Variants in GLIS3 observed in about 807,000 individuals in gnomAD.
GLIS3 encodes the protein zinc finger protein GLIS3.
Under a neutral mutation model 78.6 loss-of-function variants are expected in GLIS3, and 53 were observed. The ratio of observed to expected loss-of-function variants is 0.67; its 90% CI spans 0.54 to 0.85. The LOEUF is 0.85. GLIS3 is among the 40% of genes least tolerant of loss of function. The probability of loss-of-function intolerance (pLI) is 0.00; values close to 1 mark genes in which losing one functional copy is unlikely to be tolerated. For missense variants in GLIS3, 1,703 were observed against 1,231.1 expected, an observed-to-expected ratio of 1.38 and a Z score of -5.74; for synonymous variants, 684 against 509.9, an observed-to-expected ratio of 1.34 and a Z score of -4.60.
At chr9:4,291,092 C>G (rs1815934321) in intron 1 of GLIS3, among the ~76,000 whole-genome samples, 1 of 152,098 alleles carries the variant, frequency 6.6e-6, no homozygotes, top group South Asian at 2.1e-4. Flanking sequence ...AGGGAGGTTA[C>G]ACCTAATAAC....
intron 4 of GLIS3, among the ~76,000 whole-genome samples, chr9:4,061,851 A>G (rs1449533961): frequency 1.3e-5 from 2 of 152,228 alleles, no homozygotes; most frequent in East Asian, 1.9e-4. Flanking sequence ...AGAACTGTCA[A>G]TGCACATGTT....
At position 3,828,360 on chromosome 9, in the gene GLIS3, C is replaced by A. The variant is rs772126214; in HGVS notation, c.2705G>T (p.Arg902Leu). 6.2e-7 allele frequency: 1 copy of A among 1,613,842 alleles called. No individual in the cohort carries two copies. The highest frequency in any genetic ancestry group is 8.5e-7 in the Non-Finnish European group (1 of 1,179,994). Residue 902 changes from arginine (R) to leucine (L), a missense_variant, in exon 11 of 11, where the codon CGC becomes CTC. Transcript: ENST00000381971. Reference protein sequence around the residue: ...SSSSLFGESLRSGAEDATFLQ... With the variant: ...SSSSLFGESLLSGAEDATFLQ... ...GAAGGTAGCATCTTCAGCCCCGCTG[C>A]GGAGAGACTCCCCAAAGAGGCTCGA...
At chr9:4,204,529 G>T (rs1248784486) in intron 2 of GLIS3, among the ~76,000 whole-genome samples, 6 of 152,096 alleles carry the variant, frequency 3.9e-5, no homozygotes, top group Non-Finnish European at 7.3e-5. Context: ...GCCCACCAAG[G>T]AACTAACGTA....
intron 4 of GLIS3, among the ~76,000 whole-genome samples, chr9:4,100,875 T>C (rs1210428729): frequency 2.6e-5 from 4 of 152,188 alleles, no homozygotes. Context: ...TCTATGTGCA[T>C]GGCACCCCTC....
intron 4 of GLIS3, among the ~76,000 whole-genome samples, chr9:4,037,533 A>G (rs1824422251): frequency 1.4e-5 from 2 of 141,336 alleles, no homozygotes; most frequent in Non-Finnish European, 3.0e-5. Flanking sequence ...CAGTGGGCAG[A>G]TGTGTGTGCA....
intron 2 of GLIS3, among the ~76,000 whole-genome samples, chr9:4,331,228 T>C (rs1370349677): frequency 6.6e-6 from 1 of 152,218 alleles, no homozygotes; most frequent in Non-Finnish European, 1.5e-5. Context: ...AGGCACTCCT[T>C]GGCTTGTGGC....
intron 2 of GLIS3, among the ~76,000 whole-genome samples, chr9:4,166,876 T>C (rs1815892482): frequency 6.6e-6 from 1 of 152,158 alleles, no homozygotes; most frequent in Non-Finnish European, 1.5e-5. Context: ...TCCTCTTCCA[T>C]TTGCTGCAAA....
chr9:3,891,801 T>C (rs1822473340), intron 7 of GLIS3, among the ~76,000 whole-genome samples: 1 of 151,544 alleles, frequency 6.6e-6, no homozygotes, highest in South Asian at 2.1e-4. Context: ...GATCATTACT[T>C]TCCCAACTGC....
At chr9:3,894,624 A>G (rs987777830) in intron 7 of GLIS3, among the ~76,000 whole-genome samples, 2 of 152,220 alleles carry the variant, frequency 1.3e-5, no homozygotes, top group African/African-American at 4.8e-5. Flanking sequence ...TAAGGAGGGT[A>G]AAGTGAAGAG....
the GLIS3 span, among the ~76,000 whole-genome samples, chr9:4,433,640 G>C: frequency 6.6e-6 from 1 of 152,148 alleles, no homozygotes; most frequent in East Asian, 1.9e-4. Context: ...TGTTTAGCTA[G>C]GCCTTCGTTT....
At chr9:4,305,752 G>C (rs1006767656) in intron 4 of GLIS3, 1 of 152,066 alleles carries the variant, frequency 6.6e-6, no homozygotes, top group Non-Finnish European at 1.5e-5. Context: ...TCTCCTCTGT[G>C]TTGTGGAGAG....
intron 2 of GLIS3, among the ~76,000 whole-genome samples, chr9:4,266,961 G>A (rs1219997639): frequency 1.3e-5 from 2 of 152,142 alleles, no homozygotes; most frequent in South Asian, 2.1e-4. Context: ...GCTACATGCT[G>A]TGATATAACC....
chr9:4,110,582 T>A lies in GLIS3; in HGVS notation c.1710+7186A>T, dbSNP rs149497505. ...CCCCTATCTATGCCAACCTCCTATA[T>A]GAGCGATGACACCTATTAGACAGAT... On this transcript the variant is annotated intron_variant, in intron 4 of 10. Transcript: ENST00000381971. 3.0e-3 allele frequency among the ~76,000 whole-genome samples: 456 copies of A among 152,278 alleles called. 2 individuals are homozygous for A. Among genetic ancestry groups the A allele is most frequent in the African/African-American group, 0.01 (436 of 41,570 alleles).
chr9:4,210,389 C>T (rs565098704), intron 2 of GLIS3, among the ~76,000 whole-genome samples: 1 of 152,294 alleles, frequency 6.6e-6, no homozygotes, highest in African/African-American at 2.4e-5. Flanking sequence ...CTTAGTTTAT[C>T]TTAACATCCC....
chr9:4,365,196 T>A, the GLIS3 span, among the ~76,000 whole-genome samples: 1 of 152,142 alleles, frequency 6.6e-6, no homozygotes, highest in Non-Finnish European at 1.5e-5. Context: ...GTAGTTGGAA[T>A]AGAGATGGCT....
chr9:4,013,768 C>T (rs369789399), intron 4 of GLIS3, among the ~76,000 whole-genome samples: 14 of 152,252 alleles, frequency 9.2e-5, no homozygotes, highest in East Asian at 3.9e-4. Context: ...CAGAACTCCT[C>T]CATGAATTAG....
the GLIS3 span, among the ~76,000 whole-genome samples, chr9:4,453,851 G>T: frequency 1.1e-4 from 16 of 152,036 alleles, no homozygotes; most frequent in Admixed American, 5.9e-4. Context: ...CTTGTCATGG[G>T]GTGGGAGGAA....
intron 4 of GLIS3, among the ~76,000 whole-genome samples, chr9:3,939,972 A>G (rs1826111689): frequency 6.6e-6 from 1 of 152,336 alleles, no homozygotes. Context: ...AACTTGTCAC[A>G]TTGACAATTC....
At chr9:4,447,772 C>A in the GLIS3 span, among the ~76,000 whole-genome samples, 1 of 152,168 alleles carries the variant, frequency 6.6e-6, no homozygotes, top group African/African-American at 2.4e-5. Context: ...TCTTCTTTTG[C>A]CAAGAGGTTA....
Sources: allele counts gnomAD v4.1 joint callset (sites outside exome capture counted in the v4.1 genomes callset), GRCh38; gene constraint gnomAD v4.1.1; transcripts MANE v1.5; gene names NCBI Gene and HGNC (gene_info 2026-07-23, HGNC 2026-07-21).